The following KRABD5 variants were observed in gnomAD, a reference collection of about 807,000 sequenced individuals.
KRABD5 encodes KRAB domain-containing protein 5.
At chr16:31,739,740 T>A in the KRABD5 span, among the ~76,000 whole-genome samples, 1 of 152,206 alleles carries the variant, frequency 6.6e-6, no homozygotes, top group Non-Finnish European at 1.5e-5. Context: ...GTCCCAAAAC[T>A]GACCATAAAC....
At chr16:31,755,209 A>G in the KRABD5 span, 1 of 474,356 alleles carries the variant, frequency 2.1e-6, no homozygotes, top group South Asian at 1.5e-5. Flanking sequence ...CCGGAGAAAA[A>G]CTTTACAAAT....
the KRABD5 span, among the ~76,000 whole-genome samples, chr16:31,752,657 G>C: frequency 6.6e-6 from 1 of 152,044 alleles, no homozygotes; most frequent in Non-Finnish European, 1.5e-5. Context: ...CTTGAGGCCA[G>C]GAATTTTTGA....
chr16:31,746,346 A>G, the KRABD5 span, among the ~76,000 whole-genome samples: 8 of 152,174 alleles, frequency 5.3e-5, no homozygotes, highest in Non-Finnish European at 1.0e-4. Context: ...CTTGTCTGGA[A>G]AAGATTTTAT....
the KRABD5 span, among the ~76,000 whole-genome samples, chr16:31,744,008 T>A: frequency 6.6e-6 from 1 of 152,328 alleles, no homozygotes; most frequent in Admixed American, 6.5e-5. Context: ...CTTATCAGTT[T>A]AAGGAGTTTT....
the KRABD5 span, among the ~76,000 whole-genome samples, chr16:31,744,337 A>C: frequency 6.6e-6 from 1 of 152,024 alleles, no homozygotes; most frequent in Non-Finnish European, 1.5e-5. Context: ...ACATGAAGGA[A>C]TGATAAATTT....
At chr16:31,747,296 A>G in the KRABD5 span, among the ~76,000 whole-genome samples, 1 of 152,052 alleles carries the variant, frequency 6.6e-6, no homozygotes, top group Non-Finnish European at 1.5e-5. Context: ...AGCTTCATCC[A>G]TGTCCCTACA....
chr16:31,734,184 A>G, the KRABD5 span, among the ~76,000 whole-genome samples: 43 of 151,502 alleles, frequency 2.8e-4, no homozygotes, highest in Non-Finnish European at 5.6e-4. Flanking sequence ...GCATTACCTC[A>G]TGTATTTGGT....
At chr16:31,713,303 C>T in the KRABD5 span, 5 of 1,314,794 alleles carry the variant, frequency 3.8e-6, no homozygotes, top group East Asian at 5.2e-5. Flanking sequence ...ACCAGGGGCT[C>T]CCAGTCCTTC....
chr16:31,754,540 C>A, the KRABD5 span: 88 of 559,612 alleles, frequency 1.6e-4, 1 homozygote, highest in East Asian at 1.3e-3. Flanking sequence ...TTCTACATAA[C>A]CATTGCAAAC....
chr16:31,722,739 C>T, the KRABD5 span: 1 of 1,604,766 alleles, frequency 6.2e-7, no homozygotes, highest in Non-Finnish European at 8.5e-7. Context: ...ACTACGGAAA[C>T]CTGGTCTCTC....
chr16:31,753,972 C>G, the KRABD5 span: 1 of 1,526,366 alleles, frequency 6.6e-7, no homozygotes, highest in East Asian at 2.5e-5. Flanking sequence ...TAACAAAAAC[C>G]TCACTGTTAC....
chr16:31,745,033 G>A, the KRABD5 span, among the ~76,000 whole-genome samples: 1 of 152,056 alleles, frequency 6.6e-6, no homozygotes, highest in Non-Finnish European at 1.5e-5. Flanking sequence ...AGTCTAGCTA[G>A]TGGTCAATCT....
At chr16:31,756,113 A>T in the KRABD5 span, 1 of 152,808 alleles carries the variant, frequency 6.5e-6, no homozygotes, top group African/African-American at 2.4e-5. Flanking sequence ...GTGTTTATAT[A>T]AAAACATATA....
chr16:31,725,229 C>T, the KRABD5 span, among the ~76,000 whole-genome samples: 1 of 152,202 alleles, frequency 6.6e-6, no homozygotes, highest in African/African-American at 2.4e-5. Flanking sequence ...TATTCTGCCA[C>T]CTCAGCCTCC....
the KRABD5 span, chr16:31,722,665 C>T: frequency 3.6e-5 from 58 of 1,613,040 alleles, no homozygotes; most frequent in Admixed American, 5.0e-5. Flanking sequence ...AGAATTCTCT[C>T]GGGAGGAGTG....
At chr16:31,713,331 C>A in the KRABD5 span, 32 of 1,512,626 alleles carry the variant, frequency 2.1e-5, no homozygotes, top group South Asian at 1.9e-4. Context: ...GAGGCCAAGG[C>A]GGCTTCGCGT....
At chr16:31,754,739 A>G in the KRABD5 span, 10 of 459,722 alleles carry the variant, frequency 2.2e-5, no homozygotes, top group Non-Finnish European at 4.0e-5. Context: ...GAAAATCCTT[A>G]GTAAATTGTC....
the KRABD5 span, among the ~76,000 whole-genome samples, chr16:31,748,787 G>A: frequency 5.2e-3 from 785 of 152,186 alleles, 5 homozygotes; most frequent in African/African-American, 0.018. Context: ...GGGAGTTTTT[G>A]TTGTTGTTGA....
At chr16:31,723,503 A>AAGATGTCCCTCTGT in the KRABD5 span, 2 of 729,986 alleles carry the variant, frequency 2.7e-6, no homozygotes, top group Non-Finnish European at 4.4e-6. Flanking sequence ...GCTGTCACAG[A>AAGATGTCCCTCTGT]GGGACATCTT....
Sources: gnomAD v4.1 joint callset for allele counts (sites outside exome capture counted in the v4.1 genomes callset) on GRCh38, gnomAD v4.1.1 for gene constraint, MANE v1.5 for transcripts, NCBI Gene and HGNC (gene_info 2026-07-23, HGNC 2026-07-21) for gene names.